NRXN3: variants seen among roughly 807,000 people sequenced by gnomAD.
NRXN3 encodes neurexin III.
NRXN3 carries 32 observed loss-of-function variants against 137.6 expected under a neutral mutation model. The ratio of observed to expected loss-of-function variants is 0.23; its 90% CI spans 0.18 to 0.31. The LOEUF is 0.31. NRXN3 is among the 10% of genes least tolerant of loss of function. NRXN3 has a pLI of 1.00. For synonymous variants in NRXN3, 798 were observed against 784.5 expected, an observed-to-expected ratio of 1.02 and a Z score of -0.29; for missense variants, 1,574 against 2,062.5, an observed-to-expected ratio of 0.76 and a Z score of 4.59.
intron 10 of NRXN3, among the ~76,000 whole-genome samples, chr14:78,871,535 G>A (rs1268912353): frequency 6.6e-6 from 1 of 152,220 alleles, no homozygotes; most frequent in Non-Finnish European, 1.5e-5. Flanking sequence ...TGCCTGAGGT[G>A]CTACACTGTT....
At chr14:78,663,205 G>A (rs2097854819) in intron 6 of NRXN3, among the ~76,000 whole-genome samples, 1 of 152,164 alleles carries the variant, frequency 6.6e-6, no homozygotes, top group Non-Finnish European at 1.5e-5. Flanking sequence ...AAGAGTTAGT[G>A]ACGAAGAAAA....
At chr14:78,570,793 C>T (rs529344089) in intron 4 of NRXN3, among the ~76,000 whole-genome samples, 6 of 152,310 alleles carry the variant, frequency 3.9e-5, no homozygotes, top group South Asian at 4.2e-4. Flanking sequence ...TTTTTAAAGC[C>T]GCCCAGTAGT....
chr14:79,179,454 A>G (rs1040375914), intron 15 of NRXN3, among the ~76,000 whole-genome samples: 1 of 152,178 alleles, frequency 6.6e-6, no homozygotes, highest in Non-Finnish European at 1.5e-5. Context: ...GTGTTAGGCA[A>G]TGGCTCTCAA....
intron 6 of NRXN3, among the ~76,000 whole-genome samples, chr14:78,660,600 A>G (rs2097831026): frequency 6.6e-6 from 1 of 152,162 alleles, no homozygotes; most frequent in Admixed American, 6.5e-5. Flanking sequence ...TCTGGCCACT[A>G]TCTTGCCACC....
chr14:78,501,688 A>T (rs899328256), intron 4 of NRXN3, among the ~76,000 whole-genome samples: 2 of 152,102 alleles, frequency 1.3e-5, no homozygotes, highest in African/African-American at 4.8e-5. Flanking sequence ...AAGGTATCTG[A>T]TATGGAGACT....
At chr14:79,600,996 A>G (rs375171184) in intron 16 of NRXN3, among the ~76,000 whole-genome samples, 24 of 150,614 alleles carry the variant, frequency 1.6e-4, no homozygotes, top group African/African-American at 5.1e-4. Flanking sequence ...GTTCTTAACA[A>G]TCTTCTTCAT....
intron 15 of NRXN3, among the ~76,000 whole-genome samples, chr14:79,314,671 C>G (rs2088022083): frequency 7.2e-6 from 1 of 138,176 alleles, no homozygotes; most frequent in Non-Finnish European, 1.5e-5. Flanking sequence ...CCCTGTCTGA[C>G]AGCTTTGAAG....
At chr14:79,638,273 A>C (rs221473) in intron 16 of NRXN3, among the ~76,000 whole-genome samples, 1 of 151,992 alleles carries the variant, frequency 6.6e-6, no homozygotes, top group Non-Finnish European at 1.5e-5. Flanking sequence ...TTTCCTTGAT[A>C]ATGTGGTCTT....
At chr14:79,235,955 A>G (rs373383587) in intron 15 of NRXN3, among the ~76,000 whole-genome samples, 3 of 152,290 alleles carry the variant, frequency 2.0e-5, no homozygotes, top group African/African-American at 7.2e-5. Context: ...GAATTAACAT[A>G]TCTAATTATT....
At chr14:78,203,097 A>G (rs2061830807) in intron 1 of NRXN3, among the ~76,000 whole-genome samples, 1 of 152,062 alleles carries the variant, frequency 6.6e-6, no homozygotes, top group Non-Finnish European at 1.5e-5. Context: ...CTCTTTACAC[A>G]TGAGATGTTT....
At chr14:79,683,625 A>T (rs780676501) in intron 17 of NRXN3, among the ~76,000 whole-genome samples, 3 of 152,200 alleles carry the variant, frequency 2.0e-5, no homozygotes, top group Non-Finnish European at 2.9e-5. Flanking sequence ...ATAGCAGCTT[A>T]GTTGAGTGAT....
chr14:78,618,460 T>C (rs2097367855), intron 4 of NRXN3, among the ~76,000 whole-genome samples: 1 of 152,172 alleles, frequency 6.6e-6, no homozygotes, highest in African/African-American at 2.4e-5. Flanking sequence ...AACACAGGCC[T>C]GAAGTGTGCT....
intron 15 of NRXN3, among the ~76,000 whole-genome samples, chr14:79,094,483 A>G (rs1012241634): frequency 2.0e-5 from 3 of 152,248 alleles, no homozygotes; most frequent in African/African-American, 7.2e-5. Context: ...ACAATGGAAT[A>G]CATGCCTCTT....
chr14:79,059,285 T>C (rs1025114780), intron 15 of NRXN3, among the ~76,000 whole-genome samples: 1 of 123,864 alleles, frequency 8.1e-6, no homozygotes, highest in East Asian at 2.4e-4. Context: ...TGAGATGGAG[T>C]CTCACTCTGT....
At chr14:79,625,883 C>G (rs769338167) in intron 16 of NRXN3, among the ~76,000 whole-genome samples, 11 of 152,142 alleles carry the variant, frequency 7.2e-5, no homozygotes, top group Non-Finnish European at 1.5e-5. Flanking sequence ...GGCAACTGAG[C>G]CTCTTTCACC....
rs189487773 is a variant in NRXN3, at chr14:79,386,183, A to G, written c.3263-81038A>G. ...CAAATTGTCCCTGTTTGCAGATGAC[A>G]TGACTGTATATCTAGAAAGCCCCAT... On this transcript the variant is annotated intron_variant, in intron 15 of 20. Transcript: ENST00000335750. 2.1e-3 allele frequency among the ~76,000 whole-genome samples: 321 copies of G among 152,324 alleles called. 1 individual carries two copies. The highest frequency in any genetic ancestry group is 7.6e-3 in the African/African-American group (318 of 41,580).
chr14:79,534,020 A>G (rs79488434), intron 16 of NRXN3, among the ~76,000 whole-genome samples: 3,158 of 152,330 alleles, frequency 0.021, 38 homozygotes, highest in East Asian at 0.054. Flanking sequence ...GCGAAAGTCT[A>G]GAATTGGAGA....
chr14:78,647,592 A>G (rs890466070), intron 5 of NRXN3, among the ~76,000 whole-genome samples: 1 of 152,236 alleles, frequency 6.6e-6, no homozygotes, highest in Non-Finnish European at 1.5e-5. Flanking sequence ...AGACAGGGAT[A>G]CAGAGGCCCT....
At chr14:79,007,173 A>G (rs985263478) in intron 15 of NRXN3, among the ~76,000 whole-genome samples, 2 of 152,232 alleles carry the variant, frequency 1.3e-5, no homozygotes, top group Non-Finnish European at 2.9e-5. Flanking sequence ...TGGCAAAGAC[A>G]TCAGGTGTAT....
Sources: allele counts gnomAD v4.1 joint callset (sites outside exome capture counted in the v4.1 genomes callset), GRCh38; gene constraint gnomAD v4.1.1; transcripts MANE v1.5; gene names NCBI Gene and HGNC (gene_info 2026-07-23, HGNC 2026-07-21).